The following PHACTR3 variants were observed in gnomAD, a reference collection of about 807,000 sequenced individuals.
PHACTR3 encodes the protein protein phosphatase 1, regulatory subunit 123.
Under a neutral mutation model 66.8 loss-of-function variants are expected in PHACTR3, and 16 were observed. The observed-to-expected ratio is 0.24, with a 90% CI of 0.16 to 0.36. PHACTR3 has a LOEUF of 0.36. Ranked by LOEUF, PHACTR3 falls within the 10% of genes least tolerant of loss-of-function variation. The probability of loss-of-function intolerance (pLI) is 1.00; values close to 1 mark genes in which losing one functional copy is unlikely to be tolerated. For synonymous variants in PHACTR3, 323 were observed against 292.1 expected, an observed-to-expected ratio of 1.11 and a Z score of -1.08; for missense variants, 647 against 719.9, an observed-to-expected ratio of 0.90 and a Z score of 1.16.
chr20:59,823,211 A>G (rs1436546043), intron 8 of PHACTR3, among the ~76,000 whole-genome samples: 1 of 152,172 alleles, frequency 6.6e-6, no homozygotes, highest in African/African-American at 2.4e-5. Flanking sequence ...CTCCCACCTC[A>G]TCCATCTGTC....
At chr20:59,617,957 A>G (rs932393466) in intron 1 of PHACTR3, among the ~76,000 whole-genome samples, 1 of 152,176 alleles carries the variant, frequency 6.6e-6, no homozygotes, top group African/African-American at 2.4e-5. Context: ...GGATCACATC[A>G]GCTCATAGGC....
rs1419566996 is a variant in PHACTR3, at chr20:59,738,130, CAAG to C, written c.119-4973_119-4971del. Among the ~76,000 whole-genome samples the C allele has an allele frequency of 1.3e-5, 2 of 152,056 alleles. No individual in the cohort carries two copies. The highest frequency in any genetic ancestry group is 4.8e-5 in the African/African-American group (2 of 41,422). On this transcript the variant is annotated intron_variant, in intron 1 of 12. Coordinates refer to ENST00000371015, the MANE Select transcript of PHACTR3 (RefSeq NM_080672.5). The surrounding 1 kb of genome is among the most constrained non-coding windows in gnomAD (Gnocchi z 4.4). ...AGTGGAAGCAGTCACATAGCCACAGCAAGAAGGAGACACCATACCCCCCAGCAA... is the reference window on the plus strand; with the variant it reads ...AGTGGAAGCAGTCACATAGCCACAGCAAGGAGACACCATACCCCCCAGCAA...
chr20:59,835,304 A>T (rs2042495311), intron 8 of PHACTR3, among the ~76,000 whole-genome samples: 1 of 152,020 alleles, frequency 6.6e-6, no homozygotes. Context: ...GTCTCACTGA[A>T]CATCGAGATA....
intron 8 of PHACTR3, among the ~76,000 whole-genome samples, chr20:59,831,905 C>T (rs1246644431): frequency 2.6e-5 from 4 of 152,230 alleles, no homozygotes; most frequent in Admixed American, 6.5e-5. Flanking sequence ...ACCTGACTGC[C>T]CTTTTCCTGG....
chr20:59,619,098 G>A (rs2034141897), intron 1 of PHACTR3, among the ~76,000 whole-genome samples: 1 of 152,178 alleles, frequency 6.6e-6, no homozygotes, highest in South Asian at 2.1e-4. Context: ...GTGGAAGGGA[G>A]AATTGCTATA....
At chr20:59,702,250 T>C (rs1238212750) in intron 1 of PHACTR3, among the ~76,000 whole-genome samples, 1 of 152,180 alleles carries the variant, frequency 6.6e-6, no homozygotes, top group Non-Finnish European at 1.5e-5. Flanking sequence ...CCAAATGGCC[T>C]GGACCCACTG....
chr20:59,832,667 C>T (rs1246876302), intron 8 of PHACTR3, among the ~76,000 whole-genome samples: 1 of 152,138 alleles, frequency 6.6e-6, no homozygotes, highest in Non-Finnish European at 1.5e-5. Context: ...CTCTGGGGTT[C>T]CAGGAGTGAA....
intron 1 of PHACTR3, among the ~76,000 whole-genome samples, chr20:59,686,718 GGTGGTT>G (rs1393108716): frequency 1.5e-4 from 22 of 148,330 alleles, no homozygotes; most frequent in Non-Finnish European, 3.0e-4. Flanking sequence ...TGGTGATGGT[GGTGGTT>G]ATGATGATGG....
chr20:59,733,169 T>C (rs1159997817), intron 1 of PHACTR3, among the ~76,000 whole-genome samples: 5 of 151,714 alleles, frequency 3.3e-5, no homozygotes, highest in Non-Finnish European at 7.4e-5. Context: ...AAGACACTTG[T>C]CAAATGGTCT....
intron 8 of PHACTR3, among the ~76,000 whole-genome samples, chr20:59,816,208 C>T (rs1832508): frequency 0.063 from 9,603 of 151,908 alleles, 607 homozygotes; most frequent in African/African-American, 0.16. Context: ...CCCTCATATG[C>T]GTAGTTCACA....
chr20:59,744,897 C>A (rs767419557), intron 2 of PHACTR3, among the ~76,000 whole-genome samples: 46 of 152,164 alleles, frequency 3.0e-4, no homozygotes, highest in Non-Finnish European at 4.1e-4. Context: ...TTGCAGACTC[C>A]GGCGAGGCTG....
At chr20:59,616,545 G>C (rs1363809479) in intron 1 of PHACTR3, among the ~76,000 whole-genome samples, 2 of 152,216 alleles carry the variant, frequency 1.3e-5, no homozygotes, top group Non-Finnish European at 2.9e-5. Flanking sequence ...GTTGCCCCCT[G>C]ATTTCCTAGT....
chr20:59,842,920 GAA>G (rs2059090276), intron 11 of PHACTR3, among the ~76,000 whole-genome samples: 1 of 152,022 alleles, frequency 6.6e-6, no homozygotes, highest in Non-Finnish European at 1.5e-5. Flanking sequence ...ATCCAAACTG[GAA>G]AAGAGAAAGT....
chr20:59,666,794 C>G (rs1189800957), intron 1 of PHACTR3, among the ~76,000 whole-genome samples: 1 of 152,206 alleles, frequency 6.6e-6, no homozygotes, highest in Non-Finnish European at 1.5e-5. Flanking sequence ...AGGGGACATG[C>G]AGGGCAGGCT....
At chr20:59,774,517 T>A in intron 7 of PHACTR3, 27 bp downstream of exon 7, 1 of 1,606,140 alleles carries the variant, frequency 6.2e-7, no homozygotes, top group Non-Finnish European at 8.5e-7. Context: ...CCATTAAGTG[T>A]GGGGATCTCG....
At chr20:59,744,521 C>G (rs2039296375) in intron 2 of PHACTR3, among the ~76,000 whole-genome samples, 2 of 152,192 alleles carry the variant, frequency 1.3e-5, no homozygotes, top group South Asian at 4.1e-4. Context: ...GGTCCCATTT[C>G]CTTTCCAGCT....
At chr20:59,688,228 C>T (rs1260635077) in intron 1 of PHACTR3, among the ~76,000 whole-genome samples, 3 of 152,118 alleles carry the variant, frequency 2.0e-5, no homozygotes, top group Non-Finnish European at 2.9e-5. Flanking sequence ...TATCATGCAG[C>T]TACGAGTGAA....
intron 1 of PHACTR3, among the ~76,000 whole-genome samples, chr20:59,615,116 A>G (rs1250646193): frequency 6.6e-6 from 1 of 152,196 alleles, no homozygotes; most frequent in Non-Finnish European, 1.5e-5. Flanking sequence ...GGGGGCCTAT[A>G]GAAGTGTTCT....
At chr20:59,657,561 G>C (rs998610571) in intron 1 of PHACTR3, among the ~76,000 whole-genome samples, 1 of 151,962 alleles carries the variant, frequency 6.6e-6, no homozygotes, top group African/African-American at 2.4e-5. Context: ...AGATACTTTT[G>C]CTGGGCATAA....
Sources: allele counts gnomAD v4.1 joint callset (sites outside exome capture counted in the v4.1 genomes callset), GRCh38; gene constraint gnomAD v4.1.1; non-coding constraint Gnocchi (gnomAD v3.1); transcripts MANE v1.5; gene names NCBI Gene and HGNC (gene_info 2026-07-23, HGNC 2026-07-21).